Variants in PLPP3 observed in about 807,000 individuals in gnomAD.
PLPP3 encodes the protein PAP2 beta.
Under a neutral mutation model 29.6 loss-of-function variants are expected in PLPP3, and 6 were observed. The ratio of observed to expected loss-of-function variants is 0.20; its 90% CI spans 0.11 to 0.40. The LOEUF (loss-of-function observed/expected upper bound fraction) is 0.40, where lower values mean the gene tolerates loss of function less well. PLPP3 is among the 10% of genes least tolerant of loss of function. The pLI, the probability that PLPP3 is intolerant of heterozygous loss-of-function variation, is 1.00. For missense variants in PLPP3, 308 were observed against 407.7 expected (o/e 0.76, Z 2.11); for synonymous variants, 152 against 159.7 (o/e 0.95, Z 0.36).
chr1:56,526,796 A>G (rs187645804), intron 2 of PLPP3, among the ~76,000 whole-genome samples: 1 of 152,304 alleles, frequency 6.6e-6, no homozygotes, highest in East Asian at 1.9e-4. Context: ...TAGCCTGCCA[A>G]CCAAGCACAG....
Position 56,535,251 on chromosome 1 carries a change from G to A in PLPP3, c.297+1704C>T, listed in dbSNP as rs563809673. Among the ~76,000 whole-genome samples the A allele has an allele frequency of 3.3e-5, 5 of 152,176 alleles. 1 individual carries two copies. The highest frequency in any genetic ancestry group is 7.4e-5 in the Non-Finnish European group (5 of 68,010). Reference sequence around the variant, plus strand: ...GGTGCTCAGGTCTGAACCAGGGCATGTGCTTTTAACCCTGTGCTAAACTGA... The same window carrying A: ...GGTGCTCAGGTCTGAACCAGGGCATATGCTTTTAACCCTGTGCTAAACTGA... On this transcript the variant is annotated intron_variant, in intron 2 of 5. Coordinates refer to ENST00000371250, the MANE Select transcript of PLPP3 (RefSeq NM_003713.5).
At chr1:56,547,614 C>T (rs1387091036) in intron 1 of PLPP3, among the ~76,000 whole-genome samples, 2 of 152,138 alleles carry the variant, frequency 1.3e-5, no homozygotes, top group Non-Finnish European at 2.9e-5. Flanking sequence ...CATAGTGATA[C>T]TATTAGAAAA....
intron 1 of PLPP3, among the ~76,000 whole-genome samples, chr1:56,548,721 G>A (rs1213418207): frequency 1.3e-5 from 2 of 152,128 alleles, no homozygotes; most frequent in African/African-American, 4.8e-5. Context: ...CTTCCACAGG[G>A]GCATTACTAA....
chr1:56,498,567 T>C (rs1193983568), intron 5 of PLPP3, among the ~76,000 whole-genome samples: 1 of 152,090 alleles, frequency 6.6e-6, no homozygotes. Context: ...AGCTCAAAAT[T>C]ATCCTCCCCT....
Position 56,579,080 on chromosome 1 carries a change from C to G in PLPP3, c.-64G>C. On this transcript the variant is annotated 5_prime_UTR_variant, in exon 1 of 6. Coordinates refer to ENST00000371250, the MANE Select transcript of PLPP3 (RefSeq NM_003713.5). ...CGTCCCGCAACAGCAGCCACACACC[C>G]AGGCGCCCGGGTCGCCTCCTGGCCG... 6.4e-7 allele frequency: 1 copy of G among 1,557,296 alleles called. No individual in the cohort carries two copies. The highest frequency in any genetic ancestry group is 8.6e-7 in the Non-Finnish European group (1 of 1,160,322).
intron 1 of PLPP3, among the ~76,000 whole-genome samples, chr1:56,555,709 A>G (rs1036633701): frequency 6.6e-6 from 1 of 152,088 alleles, no homozygotes; most frequent in African/African-American, 2.4e-5. Context: ...AGGTCTTGCT[A>G]TGTTGCCAAG....
intron 2 of PLPP3, among the ~76,000 whole-genome samples, chr1:56,531,490 C>A (rs1179914740): frequency 6.6e-6 from 1 of 152,212 alleles, no homozygotes; most frequent in African/African-American, 2.4e-5. Flanking sequence ...TACCTACACA[C>A]AGCAGGTGAT....
chr1:56,510,646 T>C (rs949736557), intron 5 of PLPP3, among the ~76,000 whole-genome samples: 3 of 152,224 alleles, frequency 2.0e-5, no homozygotes, highest in Non-Finnish European at 2.9e-5. Context: ...TGGAATTTCC[T>C]TGGGAGGGCT....
intron 1 of PLPP3, among the ~76,000 whole-genome samples, chr1:56,538,054 A>G (rs923677629): frequency 6.6e-6 from 1 of 152,098 alleles, no homozygotes; most frequent in Non-Finnish European, 1.5e-5. Flanking sequence ...ATTCCCTTCT[A>G]CAGATAGCCA....
chr1:56,566,669 A>G (rs1269381576), intron 1 of PLPP3, among the ~76,000 whole-genome samples: 1 of 152,216 alleles, frequency 6.6e-6, no homozygotes, highest in Non-Finnish European at 1.5e-5. Context: ...CTGTTATTAA[A>G]AAGGTTAAGT....
Position 56,574,273 on chromosome 1 carries a change from C to G in PLPP3, c.139+4605G>C, listed in dbSNP as rs571283337. On this transcript the variant is annotated intron_variant, in intron 1 of 5. Coordinates refer to ENST00000371250, the MANE Select transcript of PLPP3 (RefSeq NM_003713.5). ...AACCATACTAGAAAAGTCAACAGGGCTTACCTACTAAATGATCCTAGGCTG... is the reference window on the plus strand; with the variant it reads ...AACCATACTAGAAAAGTCAACAGGGGTTACCTACTAAATGATCCTAGGCTG... 6.4e-4 allele frequency among the ~76,000 whole-genome samples: 97 copies of G among 152,012 alleles called. 1 individual carries two copies. The Middle Eastern group carries it at 0.01, about 16-fold the overall frequency.
intron 1 of PLPP3, among the ~76,000 whole-genome samples, chr1:56,548,125 C>T (rs1469131252): frequency 6.6e-6 from 1 of 152,170 alleles, no homozygotes; most frequent in Non-Finnish European, 1.5e-5. Context: ...AGGACTGTCA[C>T]TTGCATTGAG....
intron 2 of PLPP3, among the ~76,000 whole-genome samples, chr1:56,528,256 A>C (rs933849660): frequency 1.3e-5 from 2 of 152,220 alleles, no homozygotes; most frequent in African/African-American, 4.8e-5. Context: ...GAAAGGGATC[A>C]GTCCTTGCCT....
At chr1:56,537,625 C>A (rs1645937278) in intron 1 of PLPP3, among the ~76,000 whole-genome samples, 1 of 152,132 alleles carries the variant, frequency 6.6e-6, no homozygotes, top group South Asian at 2.1e-4. Flanking sequence ...CACTCCATTT[C>A]CCTGAGTCCC....
chr1:56,523,988 C>T (rs1199107726), intron 3 of PLPP3, 108 bp from the exon 4 acceptor site: 5 of 1,309,486 alleles, frequency 3.8e-6, no homozygotes, highest in African/African-American at 1.5e-5. Flanking sequence ...AGGCACTAGG[C>T]CCTGTTCATT....
chr1:56,539,420 A>G (rs1258683527), intron 1 of PLPP3, among the ~76,000 whole-genome samples: 1 of 152,206 alleles, frequency 6.6e-6, no homozygotes, highest in East Asian at 1.9e-4. Flanking sequence ...CTGTGCATAC[A>G]CACATGGATT....
chr1:56,531,255 C>T (rs995826602), intron 2 of PLPP3, among the ~76,000 whole-genome samples: 4 of 152,150 alleles, frequency 2.6e-5, no homozygotes, highest in African/African-American at 9.7e-5. Context: ...GAAGCTCTCC[C>T]CTCCCTAGCA....
intron 1 of PLPP3, among the ~76,000 whole-genome samples, chr1:56,550,546 C>T (rs894468474): frequency 1.3e-5 from 2 of 152,106 alleles, no homozygotes; most frequent in East Asian, 1.9e-4. Flanking sequence ...CCCAGCTTCC[C>T]CTTTACAACC....
rs138524119 is a variant in PLPP3, at chr1:56,536,997, G to A, written c.255C>T (p.Asp85=). The A allele has an allele frequency of 2.3e-5, 37 of 1,613,656 alleles. No homozygotes were observed. Among genetic ancestry groups the A allele is most frequent in the Non-Finnish European group, 2.6e-5 (31 of 1,179,846 alleles). The part of the protein sequence containing the change: ...YPLKTGETIN[D]AVLCAVGIVI... Reference sequence around the variant, plus strand: ...CGATCCCCACGGCACAGAGCACAGCGTCATTTATTGTCTCACCAGTTTTCA... The same window carrying A: ...CGATCCCCACGGCACAGAGCACAGCATCATTTATTGTCTCACCAGTTTTCA... The change falls in exon 2 of 6, where the codon GAC becomes GAT. Residue 85 remains aspartate, a synonymous_variant. Transcript: ENST00000371250.
Sources: allele counts gnomAD v4.1 joint callset (sites outside exome capture counted in the v4.1 genomes callset), GRCh38; gene constraint gnomAD v4.1.1; transcripts MANE v1.5; gene names NCBI Gene and HGNC (gene_info 2026-07-23, HGNC 2026-07-21).